ANK3: variants seen among roughly 807,000 people sequenced by gnomAD.
ANK3 encodes the protein ankyrin-3.
A neutral mutation model predicts 370.9 loss-of-function variants in ANK3; 57 were observed. The observed-to-expected ratio is 0.15, with a 90% CI of 0.12 to 0.19. ANK3 has a LOEUF of 0.19. ANK3 is among the 10% of genes least tolerant of loss of function. The pLI is 1.00. For missense variants in ANK3, 4,439 were observed against 5,302.1 expected (o/e 0.84, Z 5.06); for synonymous variants, 1,929 against 1,946.3 (o/e 0.99, Z 0.23).
intron 2 of ANK3, among the ~76,000 whole-genome samples, chr10:60,491,669 G>A (rs1373785441): frequency 6.6e-6 from 1 of 152,154 alleles, no homozygotes; most frequent in Non-Finnish European, 1.5e-5. Flanking sequence ...AAATAAAACT[G>A]TGTCCAAGGT....
At chr10:60,468,537 C>T (rs2065062681) in intron 2 of ANK3, among the ~76,000 whole-genome samples, 1 of 151,966 alleles carries the variant, frequency 6.6e-6, no homozygotes, top group African/African-American at 2.4e-5. Context: ...ACATACTGGA[C>T]TCTCTCTCCT....
intron 17 of ANK3, 101 bp from the exon 18 acceptor site, chr10:60,181,528 G>T: frequency 9.1e-7 from 1 of 1,100,138 alleles, no homozygotes. Flanking sequence ...GGTAAGCCGA[G>T]AATTTCTATG....
At chr10:60,642,119 A>C (rs1284150119) in intron 1 of ANK3, among the ~76,000 whole-genome samples, 2 of 149,342 alleles carry the variant, frequency 1.3e-5, no homozygotes, top group African/African-American at 4.9e-5. Flanking sequence ...AATCATTAAA[A>C]AGTCAGGAAA....
At chr10:60,247,708 C>T (rs1389122068) in intron 7 of ANK3, among the ~76,000 whole-genome samples, 2 of 152,130 alleles carry the variant, frequency 1.3e-5, no homozygotes, top group Non-Finnish European at 2.9e-5. Context: ...CACTCTGCCG[C>T]CCAGGCTGGA....
chr10:60,386,883 G>A (rs143978457), intron 1 of ANK3, among the ~76,000 whole-genome samples: 380 of 152,248 alleles, frequency 2.5e-3, no homozygotes, highest in African/African-American at 3.6e-3. Flanking sequence ...CTCCTGGCCC[G>A]GTGTGGTGGC....
chr10:60,564,221 A>G (rs1467332460), intron 2 of ANK3, among the ~76,000 whole-genome samples: 1 of 152,190 alleles, frequency 6.6e-6, no homozygotes, highest in African/African-American at 2.4e-5. Flanking sequence ...AAAAATTTAT[A>G]GCTATGTAAG....
At chr10:60,220,648 G>C (rs1045075074) in intron 8 of ANK3, among the ~76,000 whole-genome samples, 6 of 152,152 alleles carry the variant, frequency 3.9e-5, no homozygotes, top group African/African-American at 1.2e-4. Context: ...TGACTTGGAA[G>C]ACCCTCTGCT....
At chr10:60,224,895 C>CT (rs1472844747) in intron 8 of ANK3, among the ~76,000 whole-genome samples, 1 of 150,878 alleles carries the variant, frequency 6.6e-6, no homozygotes, top group Non-Finnish European at 1.5e-5. Flanking sequence ...CTTTTCTTTT[C>CT]TTTTTTTCTT....
chr10:60,368,445 G>T (rs2059686872), intron 1 of ANK3, among the ~76,000 whole-genome samples: 1 of 152,080 alleles, frequency 6.6e-6, no homozygotes, highest in Admixed American at 6.5e-5. Context: ...AGTGCGGGGG[G>T]TGTACTGAGC....
chr10:60,322,445 T>C lies in ANK3; in HGVS notation c.115-42806A>G, dbSNP rs1015867188. On this transcript the variant is annotated intron_variant, in intron 1 of 43. Transcript: ENST00000280772. Reference sequence around the variant, plus strand: ...AAATTTTAGCCAGTGCTGGCTATAGTTAAACAGTAGTGGTATTATTTGAAA... The same window carrying C: ...AAATTTTAGCCAGTGCTGGCTATAGCTAAACAGTAGTGGTATTATTTGAAA... Among the ~76,000 whole-genome samples, 6 of 152,130 alleles carry C rather than the reference T, an allele frequency of 3.9e-5. No homozygotes were observed. In the East Asian group the frequency reaches 9.6e-4, roughly 24 times the overall value.
chr10:60,353,905 A>C (rs1283018677), intron 1 of ANK3, among the ~76,000 whole-genome samples: 1 of 152,212 alleles, frequency 6.6e-6, no homozygotes, highest in African/African-American at 2.4e-5. Flanking sequence ...GGGCCAGCAG[A>C]GCTACGTGCA....
chr10:60,362,900 AC>A (rs1231745624), intron 1 of ANK3, among the ~76,000 whole-genome samples: 2 of 152,012 alleles, frequency 1.3e-5, no homozygotes, highest in Admixed American at 1.3e-4. Flanking sequence ...GAAAGGCTTT[AC>A]CCGGGGACAT....
intron 1 of ANK3, among the ~76,000 whole-genome samples, chr10:60,636,766 G>A (rs1389880360): frequency 6.6e-6 from 1 of 152,182 alleles, no homozygotes. Flanking sequence ...ACAAAAAAGA[G>A]TTGCTACCAT....
At chr10:60,057,359 C>T (rs2079411032) in intron 41 of ANK3, among the ~76,000 whole-genome samples, 1 of 152,048 alleles carries the variant, frequency 6.6e-6, no homozygotes, top group Admixed American at 6.5e-5. Context: ...TTTTGAGCAT[C>T]TTTGTTTATT....
At chr10:60,347,102 G>A (rs2055737686) in intron 1 of ANK3, among the ~76,000 whole-genome samples, 1 of 148,688 alleles carries the variant, frequency 6.7e-6, no homozygotes, top group African/African-American at 2.5e-5. Context: ...ATGCAGTACT[G>A]TACATACATA....
rs188665228 is a variant in ANK3 at position 60,149,988 on chromosome 10, C to T, written c.2615-10901G>A. Among the ~76,000 whole-genome samples the T allele has an allele frequency of 2.6e-3, 397 of 152,342 alleles. 1 individual carries two copies. Among genetic ancestry groups the T allele is most frequent in the African/African-American group, 9.1e-3 (379 of 41,590 alleles). ...CCTCCCAAAGTACTGGGATTACAGG[C>T]GTGAGCCACCATACCCGGCCTCCTA... On this transcript the variant is annotated intron_variant, in intron 23 of 43. Coordinates refer to ENST00000280772, the MANE Select transcript of ANK3 (RefSeq NM_020987.5).
At chr10:60,660,975 C>T (rs945789707) in intron 1 of ANK3, among the ~76,000 whole-genome samples, 2 of 151,642 alleles carry the variant, frequency 1.3e-5, no homozygotes, top group Admixed American at 6.6e-5. Flanking sequence ...TACAACCAAT[C>T]AACTTGGAAA....
At chr10:60,286,018 A>C (rs35044728) in intron 1 of ANK3, among the ~76,000 whole-genome samples, 29,690 of 151,972 alleles carry the variant, frequency 0.2, 3,108 homozygotes, top group African/African-American at 0.26. Flanking sequence ...GTTCTTTCTC[A>C]TTTTTTAAAA....
intron 2 of ANK3, among the ~76,000 whole-genome samples, chr10:60,424,770 T>TA (rs1415310981): frequency 2.0e-5 from 3 of 152,088 alleles, no homozygotes; most frequent in Admixed American, 2.0e-4. Context: ...ATCCCTCTTA[T>TA]AGGTTGATTC....
Sources: allele counts gnomAD v4.1 joint callset (sites outside exome capture counted in the v4.1 genomes callset), GRCh38; gene constraint gnomAD v4.1.1; transcripts MANE v1.5; gene names NCBI Gene and HGNC (gene_info 2026-07-23, HGNC 2026-07-21).